The following THSD4 variants were observed in gnomAD, a reference collection of about 807,000 sequenced individuals.
THSD4 encodes thrombospondin type-1 domain-containing protein 4.
THSD4 carries 69 observed loss-of-function variants against 119.0 expected under a neutral mutation model. The observed-to-expected ratio is 0.58, with a 90% CI of 0.48 to 0.71. The LOEUF is 0.71. THSD4 is among the 30% of genes least tolerant of loss of function. The pLI is 0.00. For synonymous variants in THSD4, 524 were observed against 540.4 expected, an observed-to-expected ratio of 0.97 and a Z score of 0.42; for missense variants, 1,393 against 1,391.1, an observed-to-expected ratio of 1.00 and a Z score of -0.02.
chr15:71,255,473 T>TG (rs1266406990), intron 5 of THSD4, among the ~76,000 whole-genome samples: 6 of 152,246 alleles, frequency 3.9e-5, no homozygotes, highest in Non-Finnish European at 8.8e-5. Context: ...CAGGATCACC[T>TG]GGATAAACTT....
intron 3 of THSD4, among the ~76,000 whole-genome samples, chr15:71,206,604 G>T (rs2043845692): frequency 6.6e-6 from 1 of 152,176 alleles, no homozygotes; most frequent in African/African-American, 2.4e-5. Context: ...CAGATGGGAG[G>T]TTTATTTTGT....
intron 7 of THSD4, among the ~76,000 whole-genome samples, chr15:71,493,222 A>T (rs113535925): frequency 6.6e-6 from 1 of 152,168 alleles, no homozygotes; most frequent in Non-Finnish European, 1.5e-5. Context: ...AGAATGGCGG[A>T]TTTTTTTGTG....
rs187408819 is a variant in THSD4 at position 71,524,621 on chromosome 15, G to A, written c.1152+112798G>A. On this transcript the variant is annotated intron_variant, in intron 7 of 17. Transcript: ENST00000261862. ...TTTTTTTTTTTTTTTTTTTTGAGAC[G>A]AGTCTCTATCTGTCACCCAGGCTGG... Among the ~76,000 whole-genome samples the A allele has an allele frequency of 5.9e-3, 590 of 100,156 alleles. 5 individuals are homozygous for A. The highest frequency in any genetic ancestry group is 0.02 in the African/African-American group (532 of 26,980). 65.7% of individuals were successfully genotyped at this position (100,156 alleles called of 152,430 possible). A position where few individuals can be genotyped will look rare whatever the true frequency, so the allele number is the denominator to read the frequency against.
intron 7 of THSD4, among the ~76,000 whole-genome samples, chr15:71,538,229 T>C (rs1038207852): frequency 6.6e-6 from 1 of 152,250 alleles, no homozygotes; most frequent in Non-Finnish European, 1.5e-5. Flanking sequence ...TTTTACAGTT[T>C]TCATACTTCC....
At chr15:71,660,352 A>G (rs2051277117) in intron 7 of THSD4, 178 bp from the exon 8 acceptor site, 3 of 682,762 alleles carry the variant, frequency 4.4e-6, no homozygotes, top group South Asian at 1.8e-5. Flanking sequence ...ACCACCACCA[A>G]ACAAACTCTG....
At chr15:71,680,661 C>G (rs1453308859) in intron 8 of THSD4, among the ~76,000 whole-genome samples, 1 of 152,166 alleles carries the variant, frequency 6.6e-6, no homozygotes, top group Admixed American at 6.5e-5. Flanking sequence ...AGTACTGTCT[C>G]AAACATTTCA....
intron 7 of THSD4, among the ~76,000 whole-genome samples, chr15:71,633,056 A>C (rs957070491): frequency 2.0e-5 from 3 of 152,114 alleles, no homozygotes; most frequent in Non-Finnish European, 4.4e-5. Context: ...GTGAGGCAAG[A>C]AAGAAAAGAG....
At chr15:71,549,640 T>G (rs1340698383) in intron 7 of THSD4, 1 of 152,234 alleles carries the variant, frequency 6.6e-6, no homozygotes, top group Non-Finnish European at 1.5e-5. Flanking sequence ...ACCAGGATTT[T>G]CCTTTTCTCT....
intron 8 of THSD4, among the ~76,000 whole-genome samples, chr15:71,664,378 G>A (rs1410212542): frequency 6.6e-6 from 1 of 151,806 alleles, no homozygotes; most frequent in Non-Finnish European, 1.5e-5. Context: ...AACTTTCCCT[G>A]TGAAATATTT....
rs78316413 is a variant in THSD4 at position 71,196,785 on chromosome 15, T to A, written c.100-18250T>A. The stretch of plus-strand genomic sequence containing the variant: ...GAAAGCTTCTGGTGTTAGGGGGAGA[T>A]TCTGGAGGAAGTAAAATGAGGAATA... On this transcript the variant is annotated intron_variant, in intron 3 of 17. Transcript: ENST00000261862. Among the ~76,000 whole-genome samples, 419 of 151,724 alleles carry A rather than the reference T, an allele frequency of 2.8e-3. 1 individual carries two copies. Among genetic ancestry groups the A allele is most frequent in the African/African-American group, 0.01 (414 of 41,352 alleles).
At chr15:71,675,695 G>A (rs955220544) in intron 8 of THSD4, among the ~76,000 whole-genome samples, 1 of 152,176 alleles carries the variant, frequency 6.6e-6, no homozygotes, top group South Asian at 2.1e-4. Context: ...CTCACACAAG[G>A]TGGGAACTAA....
At chr15:71,395,803 G>T (rs1018217082) in intron 6 of THSD4, among the ~76,000 whole-genome samples, 17 of 151,896 alleles carry the variant, frequency 1.1e-4, no homozygotes, top group Non-Finnish European at 2.5e-4. Context: ...CTGAATTCCT[G>T]GATGATGTCA....
chr15:71,719,241 C>T (rs1278657471), intron 8 of THSD4, among the ~76,000 whole-genome samples: 1 of 152,078 alleles, frequency 6.6e-6, no homozygotes, highest in African/African-American at 2.4e-5. Context: ...ATTAGAGTGC[C>T]AAAGAGAAAG....
At chr15:71,230,760 G>GA (rs2044054155) in intron 4 of THSD4, among the ~76,000 whole-genome samples, 1 of 152,184 alleles carries the variant, frequency 6.6e-6, no homozygotes, top group Non-Finnish European at 1.5e-5. Context: ...AATACAGCAA[G>GA]AAAAATCATC....
intron 7 of THSD4, among the ~76,000 whole-genome samples, chr15:71,573,070 C>T (rs1439972541): frequency 6.6e-6 from 1 of 152,132 alleles, no homozygotes; most frequent in Non-Finnish European, 1.5e-5. Flanking sequence ...GAGGCCTGAG[C>T]TTGGCAGACA....
chr15:71,524,683 G>A lies in THSD4; in HGVS notation c.1152+112860G>A, dbSNP rs537778323. 5.6e-5 allele frequency among the ~76,000 whole-genome samples: 7 copies of A among 126,120 alleles called. No individual in the cohort carries two copies. In the South Asian group the frequency reaches 8.5e-4, roughly 15 times the overall value. 82.7% of individuals were successfully genotyped at this position (126,120 alleles called of 152,430 possible). On this transcript the variant is annotated intron_variant, in intron 7 of 17. Coordinates refer to ENST00000261862, the MANE Select transcript of THSD4 (RefSeq NM_024817.3). ...GCAGTCTCAGCTCACTGCAAACTCC[G>A]CCTCCTGGGTTCATGCCATTCTCCT...
intron 7 of THSD4, among the ~76,000 whole-genome samples, chr15:71,602,575 AAAAAAT>A (rs1595776443): frequency 8.7e-5 from 13 of 149,810 alleles, no homozygotes; most frequent in Middle Eastern, 3.5e-3. Flanking sequence ...AAAAAAAAAA[AAAAAAT>A]GAAAAAGAAA....
At chr15:71,378,525 G>C (rs73437593) in intron 6 of THSD4, among the ~76,000 whole-genome samples, 210 of 152,330 alleles carry the variant, frequency 1.4e-3, no homozygotes, top group African/African-American at 4.9e-3. Context: ...CATCCTTGAG[G>C]AATTCAGAAT....
At chr15:71,173,587 T>C (rs1002696454) in intron 3 of THSD4, among the ~76,000 whole-genome samples, 8 of 149,204 alleles carry the variant, frequency 5.4e-5, no homozygotes, top group Non-Finnish European at 7.4e-5. Context: ...TATATATATA[T>C]ACATTTTTAT....
Sources: gnomAD v4.1 joint callset for allele counts (sites outside exome capture counted in the v4.1 genomes callset) on GRCh38, gnomAD v4.1.1 for gene constraint, MANE v1.5 for transcripts, NCBI Gene and HGNC (gene_info 2026-07-23, HGNC 2026-07-21) for gene names.